The following PPFIA2 variants were observed in gnomAD, a reference collection of about 807,000 sequenced individuals.
PPFIA2 encodes liprin-alpha-2.
A neutral mutation model predicts 175.5 loss-of-function variants in PPFIA2; 46 were observed. The ratio of observed to expected loss-of-function variants is 0.26; its 90% CI spans 0.21 to 0.34. PPFIA2 has a LOEUF of 0.34. Ranked by LOEUF, PPFIA2 falls within the 10% of genes least tolerant of loss-of-function variation. PPFIA2 has a pLI of 1.00. For synonymous variants in PPFIA2, 568 were observed against 511.4 expected (o/e 1.11, Z -1.49); for missense variants, 1,179 against 1,506.1 (o/e 0.78, Z 3.60).
intron 4 of PPFIA2, among the ~76,000 whole-genome samples, chr12:81,483,681 T>A (rs997068692): frequency 6.6e-6 from 1 of 152,086 alleles, no homozygotes; most frequent in African/African-American, 2.4e-5. Context: ...TATGCTATTT[T>A]TTTTTCTTAA....
At chr12:81,455,674 T>C (rs2053450861) in intron 5 of PPFIA2, among the ~76,000 whole-genome samples, 1 of 152,186 alleles carries the variant, frequency 6.6e-6, no homozygotes, top group South Asian at 2.1e-4. Context: ...ACCAAATCTC[T>C]TAGCTCTCTA....
chr12:81,294,577 T>C, intron 24 of PPFIA2: 1 of 468,950 alleles, frequency 2.1e-6, no homozygotes. Context: ...CAGGGTCTTG[T>C]CGCTTGGGAG....
chr12:81,594,039 T>A (rs2058978517), intron 4 of PPFIA2, among the ~76,000 whole-genome samples: 1 of 152,106 alleles, frequency 6.6e-6, no homozygotes, highest in Non-Finnish European at 1.5e-5. Context: ...TGGCATTAGA[T>A]GCTCATAGGA....
chr12:81,468,929 A>G (rs983990897), intron 4 of PPFIA2, among the ~76,000 whole-genome samples: 2 of 152,146 alleles, frequency 1.3e-5, no homozygotes, highest in African/African-American at 4.8e-5. Flanking sequence ...ATAACAGAGT[A>G]AAAGAAGCAA....
Position 81,364,452 on chromosome 12 carries a change from C to T in PPFIA2, c.1546-1668G>A, listed in dbSNP as rs1446502515. Among the ~76,000 whole-genome samples, 6 of 151,786 alleles carry T rather than the reference C, an allele frequency of 4.0e-5. No homozygotes were observed. In the South Asian group the frequency reaches 6.2e-4, roughly 16 times the overall value. On this transcript the variant is annotated intron_variant, in intron 14 of 32. Coordinates refer to ENST00000549396, the MANE Select transcript of PPFIA2 (RefSeq NM_003625.5). ...AAACTGGAGTGCAGTTCTGTGATCA[C>T]AGTTCATTGCAGTCTTGAACTCCAG...
chr12:81,390,103 A>G (rs1339567868), intron 8 of PPFIA2, among the ~76,000 whole-genome samples: 1 of 152,084 alleles, frequency 6.6e-6, no homozygotes, highest in Non-Finnish European at 1.5e-5. Context: ...CAAGTACCGT[A>G]GCATGTTATC....
intron 7 of PPFIA2, among the ~76,000 whole-genome samples, chr12:81,413,508 G>A (rs1223855173): frequency 1.3e-5 from 2 of 151,738 alleles, no homozygotes; most frequent in South Asian, 2.1e-4. Context: ...CTGCTCTAGC[G>A]TGAGGAGGCA....
intron 4 of PPFIA2, among the ~76,000 whole-genome samples, chr12:81,610,096 T>C (rs1176970587): frequency 6.6e-6 from 1 of 152,184 alleles, no homozygotes; most frequent in Non-Finnish European, 1.5e-5. Flanking sequence ...ACAGTCTCCC[T>C]ATCTCTTCCG....
At chr12:81,306,541 GTTTTT>G (rs34245260) in intron 22 of PPFIA2, among the ~76,000 whole-genome samples, 2,041 of 107,180 alleles carry the variant, frequency 0.019, 59 homozygotes, top group African/African-American at 0.065. Context: ...TTGTTTCGTT[GTTTTT>G]TTTTTTTTTT....
chr12:81,622,704 A>G (rs1460752232), intron 4 of PPFIA2, among the ~76,000 whole-genome samples: 2 of 152,158 alleles, frequency 1.3e-5, no homozygotes, highest in African/African-American at 4.8e-5. Context: ...TACTCAGAGA[A>G]GGTTTACATA....
intron 4 of PPFIA2, chr12:81,597,965 A>T (rs1328881714): frequency 6.5e-7 from 1 of 1,535,112 alleles, no homozygotes; most frequent in Non-Finnish European, 8.7e-7. Context: ...AAAAGTGTAA[A>T]ACCGGGTCCC....
chr12:81,383,400 G>A (rs2038197265), intron 9 of PPFIA2, among the ~76,000 whole-genome samples: 1 of 152,124 alleles, frequency 6.6e-6, no homozygotes, highest in South Asian at 2.1e-4. Flanking sequence ...CAGGTAAAAT[G>A]ATTTGACAGT....
chr12:81,515,044 G>T (rs2062243060), intron 4 of PPFIA2, among the ~76,000 whole-genome samples: 1 of 151,882 alleles, frequency 6.6e-6, no homozygotes, highest in Admixed American at 6.6e-5. Context: ...GAAAGTATGT[G>T]TTTCTATTAC....
intron 4 of PPFIA2, among the ~76,000 whole-genome samples, chr12:81,672,048 T>C (rs886196595): frequency 6.6e-6 from 1 of 152,016 alleles, no homozygotes; most frequent in East Asian, 1.9e-4. Flanking sequence ...GTATTGATTA[T>C]CAGTGTCTCC....
intron 5 of PPFIA2, among the ~76,000 whole-genome samples, chr12:81,448,560 C>G (rs1167430800): frequency 6.6e-6 from 1 of 152,152 alleles, no homozygotes; most frequent in Non-Finnish European, 1.5e-5. Context: ...CTTATACATC[C>G]CAAAGGGATC....
At chr12:81,526,678 T>C (rs1296858786) in intron 4 of PPFIA2, among the ~76,000 whole-genome samples, 1 of 152,190 alleles carries the variant, frequency 6.6e-6, no homozygotes, top group Non-Finnish European at 1.5e-5. Context: ...TATTTTATGA[T>C]TGTGGAAATA....
At chr12:81,436,421 T>A (rs920320672) in intron 7 of PPFIA2, among the ~76,000 whole-genome samples, 1 of 149,988 alleles carries the variant, frequency 6.7e-6, no homozygotes, top group Non-Finnish European at 1.5e-5. Flanking sequence ...ATTATTCGGC[T>A]CTTAATAATT....
chr12:81,531,246 T>C (rs555081540), intron 4 of PPFIA2, among the ~76,000 whole-genome samples: 3 of 151,984 alleles, frequency 2.0e-5, no homozygotes, highest in African/African-American at 7.2e-5. Context: ...AAGTAGTTAG[T>C]TGTAATTTGT....
intron 30 of PPFIA2, among the ~76,000 whole-genome samples, chr12:81,266,410 A>T (rs1394894882): frequency 6.6e-6 from 1 of 152,200 alleles, no homozygotes; most frequent in Non-Finnish European, 1.5e-5. Context: ...TGCACATATT[A>T]TATAGCGATT....
Sources: allele counts gnomAD v4.1 joint callset (sites outside exome capture counted in the v4.1 genomes callset), GRCh38; gene constraint gnomAD v4.1.1; transcripts MANE v1.5; gene names NCBI Gene and HGNC (gene_info 2026-07-23, HGNC 2026-07-21).